Variants in PRDM10 observed in about 807,000 individuals in gnomAD.
PRDM10 encodes the protein PR/SET domain 10.
PRDM10 carries 65 observed loss-of-function variants against 133.1 expected under a neutral mutation model. The ratio of observed to expected loss-of-function variants is 0.49; its 90% CI spans 0.40 to 0.60. The LOEUF is 0.60. Among genes scored for constraint, PRDM10 ranks in the 20% least tolerant of loss-of-function variants. PRDM10 has a pLI of 0.00. For synonymous variants in PRDM10, 582 were observed against 580.4 expected, an observed-to-expected ratio of 1.00 and a Z score of -0.04; for missense variants, 1,137 against 1,507.1, an observed-to-expected ratio of 0.75 and a Z score of 4.07.
At chr11:129,984,599 C>T (rs1238135319) in intron 1 of PRDM10, among the ~76,000 whole-genome samples, 1 of 152,168 alleles carries the variant, frequency 6.6e-6, no homozygotes, top group Non-Finnish European at 1.5e-5. Context: ...AAATCCAGCG[C>T]TCCCCCACAG....
At chr11:129,966,354 C>T (rs1024981122) in intron 1 of PRDM10, among the ~76,000 whole-genome samples, 2 of 152,300 alleles carry the variant, frequency 1.3e-5, no homozygotes, top group African/African-American at 4.8e-5. Flanking sequence ...TACGTTCCCC[C>T]CATGTTTTAA....
At chr11:129,958,141 A>ATT (rs1234857185) in intron 2 of PRDM10, among the ~76,000 whole-genome samples, 1 of 152,200 alleles carries the variant, frequency 6.6e-6, no homozygotes, top group African/African-American at 2.4e-5. Context: ...CAATGCAGAT[A>ATT]ACTCTTTTGG....
rs913812833 is a variant in PRDM10 at position 129,947,020 on chromosome 11, T to C, written c.520+125A>G. ...CAGGTGGGATGAAGCAAGCAGAGAA[T>C]GTAGCACAGTTGGCTGCACACGGAA... On this transcript the variant is annotated intron_variant, in intron 5 of 20. Transcript: ENST00000360871. The surrounding 1 kb of genome is among the most constrained non-coding windows in gnomAD (Gnocchi z 4.6). 5.3e-6 allele frequency: 7 copies of C among 1,313,934 alleles called. No individual in the cohort carries two copies. The highest frequency in any genetic ancestry group is 7.4e-6 in the Non-Finnish European group (7 of 951,046). The allele number at this position is 1,313,934 out of a possible 1,614,324, so 81.4% of individuals were successfully genotyped here.
At chr11:129,998,226 C>T (rs540321451) in intron 1 of PRDM10, among the ~76,000 whole-genome samples, 35 of 152,098 alleles carry the variant, frequency 2.3e-4, no homozygotes, top group Non-Finnish European at 4.6e-4. Flanking sequence ...TTTCACACTT[C>T]ACAGCACTGG....
chr11:129,974,130 C>G (rs1258620881), intron 1 of PRDM10, among the ~76,000 whole-genome samples: 1 of 152,204 alleles, frequency 6.6e-6, no homozygotes, highest in African/African-American at 2.4e-5. Flanking sequence ...GAGACAAGAA[C>G]AGTATCTCCT....
intron 2 of PRDM10, among the ~76,000 whole-genome samples, chr11:129,958,916 T>G (rs1232781589): frequency 6.6e-6 from 1 of 152,204 alleles, no homozygotes; most frequent in Admixed American, 6.5e-5. Context: ...ACTTTCTGAG[T>G]GGTCAGCTTT....
intron 1 of PRDM10, among the ~76,000 whole-genome samples, chr11:129,988,165 TAATA>T (rs1349487850): frequency 1.3e-5 from 2 of 152,082 alleles, no homozygotes; most frequent in Non-Finnish European, 2.9e-5. Flanking sequence ...ATAAGCAAAT[TAATA>T]GACACAAAAA....
At chr11:129,983,057 A>G (rs928968578) in intron 1 of PRDM10, among the ~76,000 whole-genome samples, 11 of 151,484 alleles carry the variant, frequency 7.3e-5, no homozygotes, top group African/African-American at 2.7e-4. Flanking sequence ...GCTCACTGCA[A>G]CCTCCGCCCC....
At chr11:129,903,390 G>A (rs556817500) in intron 20 of PRDM10, among the ~76,000 whole-genome samples, 305 of 150,860 alleles carry the variant, frequency 2.0e-3, no homozygotes, top group Non-Finnish European at 3.6e-3. Flanking sequence ...AAAAAAACGC[G>A]ACCATCAAAT....
chr11:129,987,979 C>G (rs1243657995), intron 1 of PRDM10, among the ~76,000 whole-genome samples: 2 of 151,820 alleles, frequency 1.3e-5, no homozygotes, highest in Non-Finnish European at 2.9e-5. Context: ...CTGGCCTGGG[C>G]GAAAGAGTGA....
intron 1 of PRDM10, among the ~76,000 whole-genome samples, chr11:130,002,006 C>A (rs1939422709): frequency 6.6e-6 from 1 of 151,668 alleles, no homozygotes; most frequent in East Asian, 1.9e-4. Context: ...AGGCCGGGGG[C>A]CCAGCCATCG....
At chr11:129,965,093 G>A (rs536360781) in intron 1 of PRDM10, among the ~76,000 whole-genome samples, 2 of 152,252 alleles carry the variant, frequency 1.3e-5, no homozygotes, top group South Asian at 4.1e-4. Context: ...ATCAGCCTGA[G>A]GTCAGCCTGA....
Position 129,902,361 on chromosome 11 carries a change from G to A in PRDM10, c.3423C>T (p.Thr1141=), listed in dbSNP as rs771521075. The A allele has an allele frequency of 9.3e-6, 15 of 1,614,042 alleles. No homozygotes were observed. The highest frequency in any genetic ancestry group is 1.2e-5 in the Non-Finnish European group (14 of 1,179,996). Residue 1141 remains threonine (T), a synonymous_variant, in exon 21 of 21, where the codon ACC becomes ACT. Coordinates refer to ENST00000360871, the MANE Select transcript of PRDM10 (RefSeq NM_199437.2). ...CGCTGCTTCCGTTCCCGTTGGTGGT[G>A]GTGGTGATGATGTACTGTGTGGTCT... The part of the protein sequence containing the change: ...QQQTTQYIIT[T]TTNGNGSSEV...
At position 129,947,406 on chromosome 11, in the gene PRDM10, T is replaced by C. The variant is rs1951455722; in HGVS notation, c.295-36A>G. 1 of 1,609,636 alleles carries C rather than the reference T, an allele frequency of 6.2e-7. No homozygotes were observed. Among genetic ancestry groups the C allele is most frequent in the South Asian group, 1.1e-5 (1 of 91,032 alleles). Reference sequence around the variant, plus strand: ...GTTGAAGGCACAGAGTAAGCAGACATGGACACCTGCTTTTGGTTCGCTGGT... The same window carrying C: ...GTTGAAGGCACAGAGTAAGCAGACACGGACACCTGCTTTTGGTTCGCTGGT... On this transcript the variant is annotated intron_variant, in intron 4 of 20. Transcript: ENST00000360871. This position sits in a 1 kb window ranked among gnomAD's most constrained non-coding sequence, Gnocchi z 4.6.
intron 1 of PRDM10, among the ~76,000 whole-genome samples, chr11:129,967,155 C>T (rs1951923698): frequency 6.6e-6 from 1 of 152,082 alleles, no homozygotes; most frequent in Non-Finnish European, 1.5e-5. Context: ...CTTTGGGAGG[C>T]CGAGGTGGGT....
At chr11:129,940,394 C>T (rs985969256) in intron 7 of PRDM10, among the ~76,000 whole-genome samples, 2 of 152,112 alleles carry the variant, frequency 1.3e-5, no homozygotes, top group African/African-American at 2.4e-5. Flanking sequence ...AATATTTTTG[C>T]TATATACTTC....
chr11:129,954,508 G>A (rs557379186), intron 4 of PRDM10, among the ~76,000 whole-genome samples: 24 of 151,816 alleles, frequency 1.6e-4, no homozygotes, highest in Admixed American at 6.6e-4. Context: ...CAATTGATCC[G>A]CCCACCTCAG....
At chr11:129,926,347 C>G (rs1950677693) in intron 11 of PRDM10, among the ~76,000 whole-genome samples, 1 of 152,152 alleles carries the variant, frequency 6.6e-6, no homozygotes, top group Non-Finnish European at 1.5e-5. Flanking sequence ...AATGAAGACT[C>G]ATTCATCCGT....
At chr11:129,944,580 G>A (rs575328305) in intron 6 of PRDM10, among the ~76,000 whole-genome samples, 191 bp downstream of exon 6, 6 of 133,946 alleles carry the variant, frequency 4.5e-5, no homozygotes, top group South Asian at 2.4e-4. Flanking sequence ...GCAAGACTCC[G>A]TCTCAAAAAA....
Sources: allele counts gnomAD v4.1 joint callset (sites outside exome capture counted in the v4.1 genomes callset), GRCh38; gene constraint gnomAD v4.1.1; non-coding constraint Gnocchi (gnomAD v3.1); transcripts MANE v1.5; gene names NCBI Gene and HGNC (gene_info 2026-07-23, HGNC 2026-07-21).